The following IL1RAPL2 variants were observed in gnomAD, a reference collection of about 807,000 sequenced individuals.
IL1RAPL2 encodes X-linked interleukin-1 receptor accessory protein-like 2.
In IL1RAPL2, 3 loss-of-function variants were observed where a neutral mutation model predicts 44.1. The observed-to-expected ratio is 0.07, with a 90% CI of 0.03 to 0.18. The LOEUF is 0.18. Among genes scored for constraint, IL1RAPL2 ranks in the 10% least tolerant of loss-of-function variants. The probability of loss-of-function intolerance (pLI) is 1.00; values close to 1 mark genes in which losing one functional copy is unlikely to be tolerated. For missense variants in IL1RAPL2, 391 were observed against 496.4 expected, an observed-to-expected ratio of 0.79 and a Z score of 2.02; for synonymous variants, 181 against 178.8, an observed-to-expected ratio of 1.01 and a Z score of -0.10.
chrX:105,061,718 C>T (rs79422572), intron 2 of IL1RAPL2, among the ~76,000 whole-genome samples: 1 of 111,765 alleles, frequency 8.9e-6, no homozygotes, highest in African/African-American at 3.2e-5. Context: ...TATCTGAGTG[C>T]TCCAGTGTTG....
At chrX:105,467,407 C>A (rs775435567) in intron 5 of IL1RAPL2, among the ~76,000 whole-genome samples, 3 of 111,504 alleles carry the variant, frequency 2.7e-5, no homozygotes, top group East Asian at 5.7e-4. Context: ...AAAGCAGAGA[C>A]CAACTGTCAG....
chrX:104,621,356 C>T (rs941160586), intron 1 of IL1RAPL2, among the ~76,000 whole-genome samples: 3 of 109,227 alleles, frequency 2.7e-5, no homozygotes, highest in Non-Finnish European at 5.7e-5. Context: ...TGCTCTCCCC[C>T]ATTGCAAGCC....
At chrX:104,864,227 A>T (rs1364029480) in intron 2 of IL1RAPL2, among the ~76,000 whole-genome samples, 1 of 112,173 alleles carries the variant, frequency 8.9e-6, no homozygotes, top group African/African-American at 3.2e-5. Context: ...TTATAGATTG[A>T]TCAACAAACT....
At chrX:104,842,689 A>G (rs937719310) in intron 2 of IL1RAPL2, among the ~76,000 whole-genome samples, 1 of 112,205 alleles carries the variant, frequency 8.9e-6, no homozygotes, top group African/African-American at 3.2e-5. Flanking sequence ...GGTCCATTCC[A>G]GACCCTTTTC....
intron 1 of IL1RAPL2, among the ~76,000 whole-genome samples, chrX:104,603,354 T>C (rs1453633139): frequency 1.8e-5 from 2 of 111,513 alleles, no homozygotes; most frequent in South Asian, 3.8e-4. Context: ...GAGAAACCAG[T>C]GCAAAATGGC....
chrX:105,265,108 T>C (rs972600497), intron 4 of IL1RAPL2, among the ~76,000 whole-genome samples: 1 of 111,788 alleles, frequency 8.9e-6, no homozygotes, highest in African/African-American at 3.3e-5. Flanking sequence ...AAAATGAAAA[T>C]TGTTAGAATT....
intron 2 of IL1RAPL2, among the ~76,000 whole-genome samples, chrX:105,170,748 C>G (rs1286367998): frequency 8.9e-6 from 1 of 112,215 alleles, no homozygotes; most frequent in African/African-American, 3.2e-5. Flanking sequence ...GTATCTCACT[C>G]CATTTAAGAA....
intron 5 of IL1RAPL2, among the ~76,000 whole-genome samples, chrX:105,354,600 A>G (rs902319618): frequency 3.1e-4 from 35 of 111,155 alleles, no homozygotes; most frequent in African/African-American, 1.1e-3. Flanking sequence ...ATGTGTACAT[A>G]TGTAACAAAC....
At chrX:104,685,863 G>T (rs1446436598) in intron 2 of IL1RAPL2, among the ~76,000 whole-genome samples, 2 of 109,923 alleles carry the variant, frequency 1.8e-5, no homozygotes, top group African/African-American at 6.6e-5. Flanking sequence ...GAGAGGTGGA[G>T]CTTGCAGTGA....
chrX:104,965,554 T>TA (rs1394931777), intron 2 of IL1RAPL2, among the ~76,000 whole-genome samples: 14 of 111,558 alleles, frequency 1.3e-4, no homozygotes, highest in African/African-American at 4.6e-4. Flanking sequence ...CCCATGAACA[T>TA]AAATTCACAA....
intron 2 of IL1RAPL2, among the ~76,000 whole-genome samples, chrX:104,801,544 G>A (rs940254469): frequency 2.7e-5 from 3 of 111,586 alleles, no homozygotes; most frequent in Non-Finnish European, 3.8e-5. Context: ...GATGACATGA[G>A]TATTTGTAAA....
intron 7 of IL1RAPL2, among the ~76,000 whole-genome samples, chrX:105,719,949 A>C (rs2038288937): frequency 8.9e-6 from 1 of 111,801 alleles, no homozygotes; most frequent in Non-Finnish European, 1.9e-5. Flanking sequence ...TTGTTATAGA[A>C]GATACATATT....
At chrX:105,223,362 A>C (rs1213526641) in intron 3 of IL1RAPL2, among the ~76,000 whole-genome samples, 1 of 111,406 alleles carries the variant, frequency 9.0e-6, no homozygotes, top group African/African-American at 3.3e-5. Flanking sequence ...GCCTGCCTTC[A>C]TGGATCTCCT....
intron 2 of IL1RAPL2, among the ~76,000 whole-genome samples, chrX:104,872,461 C>CT (rs1922791759): frequency 8.9e-6 from 1 of 112,033 alleles, no homozygotes; most frequent in Non-Finnish European, 1.9e-5. Flanking sequence ...GCCCTGAAAC[C>CT]TAAGCTTCAT....
intron 3 of IL1RAPL2, among the ~76,000 whole-genome samples, chrX:105,221,423 AAAAG>A (rs1172553887): frequency 9.0e-5 from 10 of 111,293 alleles, no homozygotes; most frequent in African/African-American, 3.3e-4. Flanking sequence ...AAAAAAAAAA[AAAAG>A]AAAAACGAGT....
At chrX:105,499,677 T>C (rs921740097) in intron 6 of IL1RAPL2, among the ~76,000 whole-genome samples, 1 of 111,305 alleles carries the variant, frequency 9.0e-6, no homozygotes, top group Non-Finnish European at 1.9e-5. Flanking sequence ...GAAATAAAAG[T>C]AAACCATAAT....
chrX:105,447,247 AATAT>A (rs1356914744), intron 5 of IL1RAPL2, among the ~76,000 whole-genome samples: 4 of 27,744 alleles, frequency 1.4e-4, no homozygotes, highest in African/African-American at 8.6e-4. Flanking sequence ...TATAAATATA[AATAT>A]ATATAAATAT....
chrX:105,268,455 A>C (rs985408581), intron 5 of IL1RAPL2, among the ~76,000 whole-genome samples: 4 of 111,207 alleles, frequency 3.6e-5, no homozygotes, highest in African/African-American at 1.3e-4. Flanking sequence ...AATGTACAGC[A>C]TGTAGTTAAT....
chrX:105,387,393 C>T (rs1386388895), intron 5 of IL1RAPL2, among the ~76,000 whole-genome samples: 16 of 109,862 alleles, frequency 1.5e-4, no homozygotes, highest in African/African-American at 5.3e-4. Context: ...CACCACCACG[C>T]CCGGCTAATT....
Sources: allele counts gnomAD v4.1 joint callset (sites outside exome capture counted in the v4.1 genomes callset), GRCh38; gene constraint gnomAD v4.1.1; transcripts MANE v1.5; gene names NCBI Gene and HGNC (gene_info 2026-07-23, HGNC 2026-07-21).